Variants in SHISA6 observed in about 807,000 individuals in gnomAD.
SHISA6 encodes protein shisa-6.
In SHISA6, 22 loss-of-function variants were observed where a neutral mutation model predicts 47.9. That is an observed-to-expected ratio of 0.46 (90% confidence interval 0.33 to 0.66). SHISA6 has a LOEUF of 0.66. Ranked by LOEUF, SHISA6 falls within the 30% of genes least tolerant of loss-of-function variation. The pLI is 0.02. For missense variants in SHISA6, 680 were observed against 764.6 expected (o/e 0.89, Z 1.30); for synonymous variants, 388 against 337.8 (o/e 1.15, Z -1.63).
At chr17:11,388,790 T>TTATATAGTTTA (rs1913276838) in intron 3 of SHISA6, among the ~76,000 whole-genome samples, 1 of 50,036 alleles carries the variant, frequency 2.0e-5, no homozygotes, top group African/African-American at 7.2e-5. Flanking sequence ...AAACAAAAGT[T>TTATATAGTTTA]TATATATATA....
intron 2 of SHISA6, among the ~76,000 whole-genome samples, chr17:11,337,544 A>G (rs1416107700): frequency 2.0e-5 from 3 of 152,240 alleles, no homozygotes; most frequent in Admixed American, 6.5e-5. Flanking sequence ...GATTAGCTAC[A>G]AAGAGGCAGA....
intron 3 of SHISA6, among the ~76,000 whole-genome samples, chr17:11,467,785 G>C (rs1173138697): frequency 6.6e-6 from 1 of 152,118 alleles, no homozygotes; most frequent in Non-Finnish European, 1.5e-5. Context: ...ACAGATCCAG[G>C]GTAAGTGCCT....
intron 3 of SHISA6, among the ~76,000 whole-genome samples, chr17:11,468,268 G>A (rs202107598): frequency 1.3e-4 from 19 of 151,714 alleles, no homozygotes; most frequent in East Asian, 1.2e-3. Flanking sequence ...TCTCTCTCCC[G>A]TCCTAAAGTT....
At chr17:11,385,010 G>A (rs571319354) in intron 3 of SHISA6, among the ~76,000 whole-genome samples, 1 of 152,268 alleles carries the variant, frequency 6.6e-6, no homozygotes, top group East Asian at 1.9e-4. Flanking sequence ...TGGGCACTGA[G>A]GATACAGCAG....
intron 2 of SHISA6, among the ~76,000 whole-genome samples, chr17:11,348,520 A>C (rs929417253): frequency 3.9e-5 from 6 of 152,160 alleles, no homozygotes; most frequent in African/African-American, 1.2e-4. Context: ...ATAGTTATAA[A>C]ATAATTTAAT....
At chr17:11,300,393 C>G (rs1909884160) in intron 2 of SHISA6, among the ~76,000 whole-genome samples, 1 of 152,290 alleles carries the variant, frequency 6.6e-6, no homozygotes, top group Non-Finnish European at 1.5e-5. Context: ...GGAGCACTGG[C>G]AACTGACTGC....
intron 3 of SHISA6, among the ~76,000 whole-genome samples, chr17:11,420,664 G>A (rs945583984): frequency 5.3e-5 from 8 of 152,168 alleles, no homozygotes; most frequent in Admixed American, 6.5e-5. Flanking sequence ...GTTGGGCACC[G>A]CTGTTCCAAT....
At chr17:11,379,191 T>C (rs1320774823) in intron 2 of SHISA6, among the ~76,000 whole-genome samples, 1 of 148,374 alleles carries the variant, frequency 6.7e-6, no homozygotes, top group Non-Finnish European at 1.5e-5. Context: ...TATATATAAT[T>C]ATATATGTGT....
At chr17:11,418,714 G>C (rs142440397) in intron 3 of SHISA6, among the ~76,000 whole-genome samples, 89 of 152,260 alleles carry the variant, frequency 5.8e-4, no homozygotes, top group Middle Eastern at 3.4e-3. Context: ...CCGTCATTTG[G>C]TTTGTTGAAA....
At chr17:11,388,407 A>T (rs1164108271) in intron 3 of SHISA6, among the ~76,000 whole-genome samples, 1 of 151,880 alleles carries the variant, frequency 6.6e-6, no homozygotes, top group Non-Finnish European at 1.5e-5. Flanking sequence ...AGCAGAGAGG[A>T]ACTCTCGGGT....
chr17:11,311,964 T>C (rs1910355923), intron 2 of SHISA6, among the ~76,000 whole-genome samples: 1 of 151,976 alleles, frequency 6.6e-6, no homozygotes, highest in South Asian at 2.1e-4. Context: ...TTAGTAGAAA[T>C]GGGGTTTTGC....
chr17:11,516,390 C>T (rs2071585846), intron 3 of SHISA6, among the ~76,000 whole-genome samples: 1 of 152,178 alleles, frequency 6.6e-6, no homozygotes, highest in African/African-American at 2.4e-5. Context: ...AGTAGGGGCC[C>T]TTGACAACAC....
intron 4 of SHISA6, among the ~76,000 whole-genome samples, chr17:11,555,284 T>C (rs1265730487): frequency 1.3e-5 from 2 of 152,090 alleles, no homozygotes; most frequent in African/African-American, 4.8e-5. Context: ...AGTTCTTCTA[T>C]GGGTACATAA....
chr17:11,527,935 G>A (rs2071699958), intron 3 of SHISA6, among the ~76,000 whole-genome samples: 1 of 152,106 alleles, frequency 6.6e-6, no homozygotes, highest in Non-Finnish European at 1.5e-5. Flanking sequence ...AGACCACCTT[G>A]TATGATCCAA....
chr17:11,375,256 T>A (rs1401334558), intron 2 of SHISA6, among the ~76,000 whole-genome samples: 1 of 152,224 alleles, frequency 6.6e-6, no homozygotes, highest in Admixed American at 6.5e-5. Flanking sequence ...CTTTTGTCTC[T>A]CCTCTGGGAG....
intron 3 of SHISA6, among the ~76,000 whole-genome samples, chr17:11,542,338 A>C (rs1254242146): frequency 1.3e-5 from 2 of 152,024 alleles, no homozygotes; most frequent in East Asian, 3.9e-4. Context: ...CTACAAGAAA[A>C]AAAAAAAAAA....
At position 11,291,527 on chromosome 17, in the gene SHISA6, G is replaced by A. The variant is rs1056865162; in HGVS notation, c.799+28001G>A. 4.6e-5 allele frequency among the ~76,000 whole-genome samples: 7 copies of A among 151,966 alleles called. No homozygotes were observed. The East Asian group carries it at 5.8e-4, about 13-fold the overall frequency. The stretch of plus-strand genomic sequence containing the variant: ...CGGGCGCCTGTAGTCCCAGCTACTC[G>A]GGAGGCTGAGGCAGGAGAATTACTT... On this transcript the variant is annotated intron_variant, in intron 2 of 5. Coordinates refer to ENST00000441885, the MANE Select transcript of SHISA6 (RefSeq NM_207386.4).
intron 3 of SHISA6, among the ~76,000 whole-genome samples, chr17:11,550,072 C>G (rs1215393911): frequency 6.6e-6 from 1 of 150,832 alleles, no homozygotes; most frequent in Non-Finnish European, 1.5e-5. Context: ...TTTTTTTTTC[C>G]GAGACGAAGT....
At chr17:11,287,277 GAAGGAAGGA>G (rs1909339459) in intron 2 of SHISA6, among the ~76,000 whole-genome samples, 1 of 147,154 alleles carries the variant, frequency 6.8e-6, no homozygotes, top group Admixed American at 6.6e-5. Flanking sequence ...AGCAAGGAAG[GAAGGAAGGA>G]AAGGAAGGAA....
Sources: gnomAD v4.1 joint callset for allele counts (sites outside exome capture counted in the v4.1 genomes callset) on GRCh38, gnomAD v4.1.1 for gene constraint, MANE v1.5 for transcripts, NCBI Gene and HGNC (gene_info 2026-07-23, HGNC 2026-07-21) for gene names.